GPR180: variants seen among roughly 807,000 people sequenced by gnomAD.
GPR180 encodes G protein-coupled receptor 180.
GPR180 carries 53 observed loss-of-function variants against 52.6 expected under a neutral mutation model. The ratio of observed to expected loss-of-function variants is 1.01; its 90% CI spans 0.81 to 1.27. The LOEUF (loss-of-function observed/expected upper bound fraction) is 1.27. Ranked by LOEUF, GPR180 falls within the 50% of genes most tolerant of loss-of-function variation. The probability of loss-of-function intolerance (pLI) is 0.00; values close to 1 mark genes in which losing one functional copy is unlikely to be tolerated. For missense variants in GPR180, 533 were observed against 527.0 expected (o/e 1.01, Z -0.11); for synonymous variants, 200 against 193.1 (o/e 1.04, Z -0.30).
At position 94,628,462 on chromosome 13, in the gene GPR180, A is replaced by G. The variant is rs767489399; in HGVS notation, c.*1291A>G. On this transcript the variant is annotated 3_prime_UTR_variant, in exon 9 of 9. Transcript: ENST00000376958. ...TTATCTATTTACTGTGTGTTTAAGC[A>G]AGCAACAGTGCACTGATCTGGTAGT... The G allele has an allele frequency of 2.0e-5, 3 of 152,100 alleles. No homozygotes were observed. Among genetic ancestry groups the G allele is most frequent in the Non-Finnish European group, 2.9e-5 (2 of 67,940 alleles). The allele number at this position is 152,100 out of a possible 1,614,324, so 9.4% of individuals were successfully genotyped here. A position where few individuals can be genotyped will look rare whatever the true frequency, so the allele number is the denominator to read the frequency against.
intron 1 of GPR180, among the ~76,000 whole-genome samples, chr13:94,602,498 T>TTC (rs1889573264): frequency 6.6e-6 from 1 of 150,804 alleles, no homozygotes; most frequent in African/African-American, 2.5e-5. Context: ...TTTTTTTTTT[T>TTC]TTTTAAAGAC....
In GPR180 at chr13:94,630,191, A is replaced by G. The variant is rs997136552; in HGVS notation, c.*3020A>G. ...GAAAGTAGTGTGGTAGAAGCACCGT[A>G]GCTTGATTTCTTGCAATAGCTCTCT... is the stretch of plus-strand genomic sequence containing the variant. On this transcript the variant is annotated 3_prime_UTR_variant, in exon 9 of 9. Transcript: ENST00000376958. 8.5e-5 allele frequency: 13 copies of G among 152,234 alleles called. No homozygotes were observed. The highest frequency in any genetic ancestry group is 8.5e-4 in the Admixed American group (13 of 15,284). 9.4% of individuals were successfully genotyped at this position (152,234 alleles called of 1,614,324 possible). A position where few individuals can be genotyped will look rare whatever the true frequency, so the allele number is the denominator to read the frequency against.
At chr13:94,620,467 C>G (rs571377396) in intron 5 of GPR180, among the ~76,000 whole-genome samples, 32 of 152,146 alleles carry the variant, frequency 2.1e-4, no homozygotes, top group Non-Finnish European at 4.1e-4. Context: ...AGCAGGCTTC[C>G]CCTGCAGTGT....
chr13:94,620,381 T>G (rs965048607), intron 5 of GPR180, among the ~76,000 whole-genome samples: 2 of 152,180 alleles, frequency 1.3e-5, no homozygotes, highest in African/African-American at 4.8e-5. Flanking sequence ...ACTTGAAGCA[T>G]TTATAGATTT....
chr13:94,605,082 T>C (rs112920892), intron 1 of GPR180, among the ~76,000 whole-genome samples: 4 of 152,264 alleles, frequency 2.6e-5, no homozygotes, highest in African/African-American at 9.6e-5. Context: ...AAATATAAAA[T>C]GTGAAGTGGT....
In GPR180 at chr13:94,601,906, C is replaced by A. The variant is rs553956399; in HGVS notation, c.-22C>A. 5.0e-6 allele frequency: 7 copies of A among 1,408,630 alleles called. No individual in the cohort carries two copies. Among genetic ancestry groups the A allele is most frequent in the East Asian group, 3.0e-5 (1 of 33,244 alleles). 87.3% of individuals were successfully genotyped at this position (1,408,630 alleles called of 1,614,324 possible). On this transcript the variant is annotated 5_prime_UTR_variant, in exon 1 of 9. Transcript: ENST00000376958. Reference sequence around the variant, plus strand: ...CGCCGGCGGCTGGGAGCCGAGGCGTCGGTGCAGACCTGGAGACGGGCATGG... The same window carrying A: ...CGCCGGCGGCTGGGAGCCGAGGCGTAGGTGCAGACCTGGAGACGGGCATGG...
intron 2 of GPR180, among the ~76,000 whole-genome samples, chr13:94,608,462 A>G (rs1364679088): frequency 6.6e-6 from 1 of 152,192 alleles, no homozygotes; most frequent in Non-Finnish European, 1.5e-5. Context: ...GGTAACAGGA[A>G]TTTTAGAGGA....
chr13:94,623,036 T>G (rs1889871671), intron 6 of GPR180, 73 bp from the exon 7 acceptor site: 1 of 1,090,324 alleles, frequency 9.2e-7, no homozygotes, highest in Non-Finnish European at 1.3e-6. Flanking sequence ...GGATGTTTAT[T>G]AAAGAGTTGA....
intron 6 of GPR180, among the ~76,000 whole-genome samples, chr13:94,622,114 A>G (rs1889861318): frequency 1.2e-5 from 1 of 86,652 alleles, no homozygotes; most frequent in Non-Finnish European, 2.2e-5. Flanking sequence ...ATTTACATGA[A>G]TGATTTGAGA....
Position 94,630,115 on chromosome 13 carries a change from G to A in GPR180, c.*2944G>A, listed in dbSNP as rs563583338. ...GTAATACTGTTTTTTATTCCAACAT[G>A]TATTTGTGAATTGAGACTAAAATAA... On this transcript the variant is annotated 3_prime_UTR_variant, in exon 9 of 9. Coordinates refer to ENST00000376958, the MANE Select transcript of GPR180 (RefSeq NM_180989.6). 11 of 152,328 alleles carry A rather than the reference G, an allele frequency of 7.2e-5. No individual in the cohort carries two copies. The East Asian group carries it at 2.1e-3, about 29-fold the overall frequency. 9.4% of individuals were successfully genotyped at this position (152,328 alleles called of 1,614,324 possible).
chr13:94,621,156 A>C lies in GPR180; in HGVS notation c.815A>C (p.Lys272Thr), dbSNP rs1366020377. 1 of 1,612,798 alleles carries C rather than the reference A, an allele frequency of 6.2e-7. No homozygotes were observed. Among genetic ancestry groups the C allele is most frequent in the Admixed American group, 1.7e-5 (1 of 59,414 alleles). Reference protein sequence around the residue: ...LCMGWTIVRMKKSQSRPLQWD... With the variant: ...LCMGWTIVRMTKSQSRPLQWD... The stretch of plus-strand genomic sequence containing the variant: ...ATGGGTTGGACAATAGTCAGAATGA[A>C]GAAGTCTCAAAGCAGACCTCTCCAG... Residue 272 changes from lysine to threonine, a missense_variant, in exon 6 of 9, where the codon AAG becomes ACG. Lys to Thr is a moderately conservative substitution (Grantham distance 78). Coordinates refer to ENST00000376958, the MANE Select transcript of GPR180 (RefSeq NM_180989.6).
At chr13:94,626,116 GAGGGA>G in intron 8 of GPR180, 73 bp downstream of exon 8, 4 of 955,128 alleles carry the variant, frequency 4.2e-6, no homozygotes, top group Non-Finnish European at 6.4e-6. Flanking sequence ...ATTTAAATAG[GAGGGA>G]CCTATTTATT....
intron 2 of GPR180, among the ~76,000 whole-genome samples, chr13:94,606,709 T>C (rs540703366): frequency 6.6e-6 from 1 of 152,364 alleles, no homozygotes; most frequent in African/African-American, 2.4e-5. Context: ...TCTTATCAGC[T>C]GTCTGATTCC....
In GPR180 at chr13:94,631,463, T is replaced by C. The variant is rs1889996633; in HGVS notation, c.*4292T>C. 1 of 151,816 alleles carries C rather than the reference T, an allele frequency of 6.6e-6. No homozygotes were observed. The highest frequency in any genetic ancestry group is 2.1e-4 in the South Asian group (1 of 4,788). 9.4% of individuals were successfully genotyped at this position (151,816 alleles called of 1,614,324 possible). ...TTAACCATACCATCCTACCTAATGC[T>C]ATTCCCCCATCCTAGTTCTATCATA... On this transcript the variant is annotated 3_prime_UTR_variant, in exon 9 of 9. Transcript: ENST00000376958.
chr13:94,602,426 C>T (rs578148569), intron 1 of GPR180, among the ~76,000 whole-genome samples: 4 of 151,928 alleles, frequency 2.6e-5, no homozygotes, highest in African/African-American at 4.8e-5. Context: ...ATATTTGCTC[C>T]TTCCTGTCTC....
rs1257803817 is a variant in GPR180 at position 94,631,859 on chromosome 13, G to T, written c.*4688G>T. ...GATTTCTCAAATTCTCACAGAGGCA[G>T]TTTCTCTTTATTTTATGTAGTCCTG... On this transcript the variant is annotated 3_prime_UTR_variant, in exon 9 of 9. Coordinates refer to ENST00000376958, the MANE Select transcript of GPR180 (RefSeq NM_180989.6). 6.6e-6 allele frequency: 1 copy of T among 152,050 alleles called. No homozygotes were observed. The highest frequency in any genetic ancestry group is 1.5e-5 in the Non-Finnish European group (1 of 68,022). The allele number at this position is 152,050 out of a possible 1,614,324, so 9.4% of individuals were successfully genotyped here. A position where few individuals can be genotyped will look rare whatever the true frequency, so the allele number is the denominator to read the frequency against.
At chr13:94,626,512 C>A (rs1889929803) in intron 8 of GPR180, among the ~76,000 whole-genome samples, 1 of 152,004 alleles carries the variant, frequency 6.6e-6, no homozygotes. Flanking sequence ...TGCCAGGAGC[C>A]CTTTACAAGC....
At chr13:94,626,840 A>G (rs962277172) in intron 8 of GPR180, among the ~76,000 whole-genome samples, 173 bp from the exon 9 acceptor site, 4 of 152,186 alleles carry the variant, frequency 2.6e-5, no homozygotes, top group Non-Finnish European at 5.9e-5. Flanking sequence ...ATCCTTAAAC[A>G]ATTAGAGTTC....
chr13:94,622,002 T>A (rs1413938178), intron 6 of GPR180, among the ~76,000 whole-genome samples: 2 of 152,182 alleles, frequency 1.3e-5, no homozygotes, highest in Non-Finnish European at 2.9e-5. Flanking sequence ...ATGCATTAAA[T>A]AAATTGAAAA....
Sources: gnomAD v4.1 joint callset for allele counts (sites outside exome capture counted in the v4.1 genomes callset) on GRCh38, gnomAD v4.1.1 for gene constraint, MANE v1.5 for transcripts, NCBI Gene and HGNC (gene_info 2026-07-23, HGNC 2026-07-21) for gene names.